ADTRP: variants seen among roughly 807,000 people sequenced by gnomAD.
The protein encoded by ADTRP is androgen-dependent TFPI-regulating protein.
A neutral mutation model predicts 27.0 loss-of-function variants in ADTRP; 20 were observed. The ratio of observed to expected loss-of-function variants is 0.74; its 90% confidence interval spans 0.52 to 1.08. ADTRP has a LOEUF of 1.08. Ranked by LOEUF, ADTRP falls within the 50% of genes least tolerant of loss-of-function variation. The pLI is 0.00. For missense variants in ADTRP, 251 were observed against 275.0 expected (o/e 0.91, Z 0.62); for synonymous variants, 101 against 105.2 (o/e 0.96, Z 0.25).
chr6:11,774,720 A>C (rs1763897257), intron 1 of ADTRP, among the ~76,000 whole-genome samples: 1 of 152,188 alleles, frequency 6.6e-6, no homozygotes, highest in Admixed American at 6.5e-5. Context: ...TTCAGAAGGA[A>C]GCTTATCTTT....
chr6:11,718,060 T>A (rs2113867903), intron 5 of ADTRP, among the ~76,000 whole-genome samples: 1 of 152,372 alleles, frequency 6.6e-6, no homozygotes, highest in Admixed American at 6.5e-5. Context: ...ATCTGCCTTT[T>A]AAAAAACCTG....
chr6:11,719,051 G>A lies in ADTRP; in HGVS notation c.658+4298C>T, dbSNP rs1761924243. 1.3e-5 allele frequency among the ~76,000 whole-genome samples: 2 copies of A among 152,226 alleles called. 1 individual carries two copies. Among genetic ancestry groups the A allele is most frequent in the Non-Finnish European group, 2.9e-5 (2 of 68,046 alleles). ...GATGTGGCACAGGAGGAGGGAGAAA[G>A]TGAGTAGATGTTCAGCTATTGTGAC... On this transcript the variant is annotated intron_variant, in intron 5 of 5. Coordinates refer to ENST00000414691, the MANE Select transcript of ADTRP (RefSeq NM_032744.4).
chr6:11,745,800 G>GT (rs139597469), intron 3 of ADTRP, among the ~76,000 whole-genome samples: 20,429 of 151,040 alleles, frequency 0.14, 1,767 homozygotes, highest in East Asian at 0.48. Flanking sequence ...TTTCTTTTTT[G>GT]TTTTTTTTGA....
rs771598993 is a variant in ADTRP at position 11,778,736 on chromosome 6, T to C, written c.24A>G (p.Ile8Met). MTKTSTC[I>M]YHFLVLSWYT... is the part of the protein sequence containing the mutation. ...ACCAGCTCAGAACAAGGAAGTGGTA[T>C]ATGCATGTAGAAGTCTTCGTCATGG... The change falls in exon 1 of 6, where the codon ATA becomes ATG. Residue 8 changes from isoleucine (I) to methionine (M), a missense_variant. Coordinates refer to ENST00000414691, the MANE Select transcript of ADTRP (RefSeq NM_032744.4). The C allele has an allele frequency of 6.8e-6, 11 of 1,614,126 alleles. No individual in the cohort carries two copies. The East Asian group carries it at 2.0e-4, about 29-fold the overall frequency.
At chr6:11,752,915 G>A (rs1763103253) in intron 3 of ADTRP, among the ~76,000 whole-genome samples, 1 of 152,126 alleles carries the variant, frequency 6.6e-6, no homozygotes, top group Admixed American at 6.5e-5. Flanking sequence ...GATTTGCATG[G>A]GTCGTTAATG....
chr6:11,728,663 T>C (rs888371047), intron 4 of ADTRP: 1 of 152,230 alleles, frequency 6.6e-6, no homozygotes, highest in Non-Finnish European at 1.5e-5. Flanking sequence ...TTGATTGTTT[T>C]TCTCACTAGC....
intron 1 of ADTRP, chr6:11,769,981 T>C (rs1023804412): frequency 4.6e-6 from 7 of 1,538,104 alleles, no homozygotes; most frequent in Non-Finnish European, 6.2e-6. Flanking sequence ...AGCCAAGTCC[T>C]ATCATTAGAC....
At chr6:11,717,205 G>C in intron 5 of ADTRP, 5 of 1,152,262 alleles carry the variant, frequency 4.3e-6, no homozygotes, top group Non-Finnish European at 5.6e-6. Context: ...AAGTATCCTA[G>C]TTGGCAGATA....
intron 2 of ADTRP, among the ~76,000 whole-genome samples, chr6:11,767,428 T>C (rs1400060495): frequency 2.6e-5 from 4 of 152,198 alleles, no homozygotes; most frequent in Non-Finnish European, 5.9e-5. Flanking sequence ...ATAGGTATCC[T>C]TGCTTTGTTA....
rs1292221639 is a variant in ADTRP at position 11,765,745 on chromosome 6, CCT to C, written c.390+527_390+528del. ...CAGTGACCTAAAAATCTCAGAACAG[CCT>C]CTGTTTACTATTCGGCCTCTCCAAA... is the stretch of plus-strand genomic sequence containing the variant. On this transcript the variant is annotated intron_variant, in intron 3 of 5. Coordinates refer to ENST00000414691, the MANE Select transcript of ADTRP (RefSeq NM_032744.4). Among the ~76,000 whole-genome samples, 3 of 152,022 alleles carry C rather than the reference CCT, an allele frequency of 2.0e-5. No homozygotes were observed. In the East Asian group the frequency reaches 5.8e-4, roughly 29 times the overall value.
chr6:11,720,950 T>C (rs1451110574), intron 5 of ADTRP, among the ~76,000 whole-genome samples: 1 of 152,186 alleles, frequency 6.6e-6, no homozygotes, highest in Non-Finnish European at 1.5e-5. Flanking sequence ...TCTGCACTGA[T>C]TGAGGCAACG....
intron 3 of ADTRP, among the ~76,000 whole-genome samples, chr6:11,743,595 T>C (rs1290907461): frequency 1.3e-5 from 2 of 152,208 alleles, no homozygotes; most frequent in Non-Finnish European, 2.9e-5. Flanking sequence ...ATTCCCATCA[T>C]GACATAACAC....
At chr6:11,729,126 C>T (rs181931723) in intron 4 of ADTRP, among the ~76,000 whole-genome samples, 5 of 152,248 alleles carry the variant, frequency 3.3e-5, no homozygotes, top group African/African-American at 4.8e-5. Flanking sequence ...GAAATACCGA[C>T]GTCTGTGGGT....
At position 11,714,434 on chromosome 6, in the gene ADTRP, T is replaced by A; in HGVS notation, c.*44A>T. Reference sequence around the variant, plus strand: ...AAAAAAAAAAAAGATGAGAAAAATCTCTTGTGTTTTCTTCTTTCTTGGTTC... The same window carrying A: ...AAAAAAAAAAAAGATGAGAAAAATCACTTGTGTTTTCTTCTTTCTTGGTTC... On this transcript the variant is annotated 3_prime_UTR_variant, in exon 6 of 6. Transcript: ENST00000414691. The A allele has an allele frequency of 5.1e-6, 8 of 1,581,278 alleles. No individual in the cohort carries two copies. Among genetic ancestry groups the A allele is most frequent in the Non-Finnish European group, 6.9e-6 (8 of 1,165,114 alleles).
chr6:11,743,946 T>C (rs1762791297), intron 3 of ADTRP, among the ~76,000 whole-genome samples: 1 of 152,132 alleles, frequency 6.6e-6, no homozygotes, highest in South Asian at 2.1e-4. Flanking sequence ...AGCTTGGAAA[T>C]TGGTGTTGGG....
intron 4 of ADTRP, among the ~76,000 whole-genome samples, chr6:11,724,011 G>C (rs1400383810): frequency 6.6e-6 from 1 of 152,154 alleles, no homozygotes; most frequent in African/African-American, 2.4e-5. Context: ...AGTGATCCAA[G>C]ATCACGCCAC....
chr6:11,748,508 C>A (rs1053378040), intron 3 of ADTRP, among the ~76,000 whole-genome samples: 9 of 152,232 alleles, frequency 5.9e-5, no homozygotes, highest in African/African-American at 2.2e-4. Context: ...AGAAGGTGGA[C>A]AGATGTGGTC....
At chr6:11,758,582 G>C (rs1419391298) in intron 3 of ADTRP, among the ~76,000 whole-genome samples, 1 of 117,424 alleles carries the variant, frequency 8.5e-6, no homozygotes. Context: ...GGGTGGGGGG[G>C]GGGGACGGAT....
chr6:11,723,390 C>G lies in ADTRP; in HGVS notation c.617G>C (p.Ser206Thr). ...GAGCTTCTCTCCAAGTAGGTAGATG[C>G]TGGCGATGAAGACGTAGCTGAGAGA... The part of the protein sequence containing the change: ...FFSLSYVFIA[S>T]IYLLGEKLNH... Residue 206 changes from serine (S) to threonine (T), a missense_variant, in exon 5 of 6, where the codon AGC becomes ACC. Physicochemically the swap from Ser to Thr is moderately conservative, Grantham distance 58 (BLOSUM62 1). Transcript: ENST00000414691. The G allele has an allele frequency of 6.2e-7, 1 of 1,614,130 alleles. No homozygotes were observed. Among genetic ancestry groups the G allele is most frequent in the Middle Eastern group, 1.6e-4 (1 of 6,062 alleles).
Sources: allele counts gnomAD v4.1 joint callset (sites outside exome capture counted in the v4.1 genomes callset), GRCh38; gene constraint gnomAD v4.1.1; transcripts MANE v1.5; gene names NCBI Gene and HGNC (gene_info 2026-07-23, HGNC 2026-07-21).